The following WWOX variants were observed in gnomAD, a reference collection of about 807,000 sequenced individuals.
WWOX encodes WW domain-containing oxidoreductase.
In WWOX, 69 loss-of-function variants were observed where a neutral mutation model predicts 46.2. The observed-to-expected ratio is 1.49, with a 90% confidence interval of 1.23 to 1.82. The LOEUF is 1.82. Ranked by LOEUF, WWOX falls within the 40% of genes most tolerant of loss-of-function variation. The probability of loss-of-function intolerance (pLI) is 0.00; values close to 1 mark genes in which losing one functional copy is unlikely to be tolerated. For synonymous variants in WWOX, 359 were observed against 202.6 expected, an observed-to-expected ratio of 1.77 and a Z score of -6.56; for missense variants, 919 against 542.6, an observed-to-expected ratio of 1.69 and a Z score of -6.89.
chr16:78,441,229 T>C (rs182288988), intron 8 of WWOX, among the ~76,000 whole-genome samples: 92 of 152,306 alleles, frequency 6.0e-4, no homozygotes, highest in African/African-American at 2.0e-3. Flanking sequence ...GCCTGTAGTT[T>C]CTTATTTAAT....
intron 4 of WWOX, among the ~76,000 whole-genome samples, chr16:78,121,767 T>G (rs1597229319): frequency 6.6e-6 from 1 of 152,108 alleles, no homozygotes; most frequent in East Asian, 1.9e-4. Flanking sequence ...GGCCTGGTGA[T>G]TCTCATGTCT....
chr16:78,167,885 T>C (rs2035024690), intron 5 of WWOX: 1 of 152,200 alleles, frequency 6.6e-6, no homozygotes, highest in African/African-American at 2.4e-5. Flanking sequence ...CTCACATCTC[T>C]GCGCAAGGAT....
intron 8 of WWOX, among the ~76,000 whole-genome samples, chr16:78,854,731 C>T (rs2052528156): frequency 6.6e-6 from 1 of 152,062 alleles, no homozygotes; most frequent in Admixed American, 6.6e-5. Context: ...CAGGCACATG[C>T]CACCACTCCC....
Position 78,610,041 on chromosome 16 carries a change from G to A in WWOX, c.1056+177289G>A, listed in dbSNP as rs1361641826. Among the ~76,000 whole-genome samples the A allele has an allele frequency of 4.1e-5, 6 of 145,726 alleles. No individual in the cohort carries two copies. The South Asian group carries it at 1.1e-3, about 26-fold the overall frequency. ...AGGTAGCTCTGCGAATCCGCTGAAT[G>A]TCCGATTGCGATCTCGCTGGAAAGA... On this transcript the variant is annotated intron_variant, in intron 8 of 8. Transcript: ENST00000566780.
At chr16:78,277,305 A>C (rs901036783) in intron 5 of WWOX, among the ~76,000 whole-genome samples, 4 of 152,128 alleles carry the variant, frequency 2.6e-5, no homozygotes, top group African/African-American at 9.7e-5. Flanking sequence ...GGTTTGTGTA[A>C]GGGATGAACG....
intron 8 of WWOX, among the ~76,000 whole-genome samples, chr16:78,477,201 A>G (rs1263935739): frequency 6.6e-6 from 1 of 152,150 alleles, no homozygotes; most frequent in African/African-American, 2.4e-5. Context: ...CAGTTGATGG[A>G]CTATTTTTCA....
At chr16:78,895,302 A>T (rs1004148580) in intron 8 of WWOX, 1 of 152,142 alleles carries the variant, frequency 6.6e-6, no homozygotes, top group Non-Finnish European at 1.5e-5. Context: ...ATTATGCATT[A>T]AGAAAATAAC....
intron 8 of WWOX, among the ~76,000 whole-genome samples, chr16:78,864,754 CTTTTT>C (rs57606576): frequency 4.6e-5 from 4 of 87,160 alleles, no homozygotes; most frequent in Non-Finnish European, 8.8e-5. Flanking sequence ...TCTCCAACTC[CTTTTT>C]TTTTTTTTTT....
At chr16:78,952,357 T>G (rs1316691135) in intron 8 of WWOX, among the ~76,000 whole-genome samples, 1 of 151,814 alleles carries the variant, frequency 6.6e-6, no homozygotes, top group African/African-American at 2.4e-5. Context: ...AGCTGCAGTT[T>G]TACATTTTTG....
intron 8 of WWOX, among the ~76,000 whole-genome samples, chr16:78,859,665 G>T (rs1358800250): frequency 6.6e-6 from 1 of 152,128 alleles, no homozygotes; most frequent in Non-Finnish European, 1.5e-5. Flanking sequence ...CTTGGTTTAA[G>T]AGCAGGGCGA....
chr16:78,375,379 A>G (rs2081794906), intron 5 of WWOX, among the ~76,000 whole-genome samples: 1 of 152,212 alleles, frequency 6.6e-6, no homozygotes, highest in Non-Finnish European at 1.5e-5. Flanking sequence ...CACTATGAGT[A>G]GCCTACTTGC....
chr16:78,324,461 A>G (rs777687822), intron 5 of WWOX, among the ~76,000 whole-genome samples: 2 of 152,150 alleles, frequency 1.3e-5, no homozygotes, highest in Non-Finnish European at 1.5e-5. Flanking sequence ...AAATGAAAAC[A>G]TGGACCAAGA....
At chr16:78,461,156 A>G (rs1433777923) in intron 8 of WWOX, among the ~76,000 whole-genome samples, 1 of 152,154 alleles carries the variant, frequency 6.6e-6, no homozygotes, top group Non-Finnish European at 1.5e-5. Context: ...TGAATTGTGG[A>G]TACAGATTTC....
At chr16:78,531,745 C>G (rs537390157) in intron 8 of WWOX, among the ~76,000 whole-genome samples, 2 of 152,080 alleles carry the variant, frequency 1.3e-5, no homozygotes, top group Non-Finnish European at 2.9e-5. Context: ...GTAATCCCAG[C>G]TACTTGGGAG....
intron 8 of WWOX, among the ~76,000 whole-genome samples, chr16:79,108,426 TCAA>T (rs2049352162): frequency 1.3e-5 from 2 of 152,208 alleles, no homozygotes; most frequent in Admixed American, 6.5e-5. Flanking sequence ...AGAGATAAAC[TCAA>T]AGGGGAGAAA....
At chr16:78,880,992 C>T (rs906688502) in intron 8 of WWOX, among the ~76,000 whole-genome samples, 1,530 of 113,496 alleles carry the variant, frequency 0.013, 7 homozygotes, top group Middle Eastern at 0.032. Flanking sequence ...AATTTTTTTT[C>T]TTTTTTTTTT....
chr16:78,379,056 G>A (rs937218906), intron 5 of WWOX, among the ~76,000 whole-genome samples: 1 of 152,090 alleles, frequency 6.6e-6, no homozygotes, highest in Admixed American at 6.5e-5. Context: ...CCACTGTCAC[G>A]TCACTCAGCC....
At chr16:78,735,339 A>C (rs976025563) in intron 8 of WWOX, among the ~76,000 whole-genome samples, 1 of 151,682 alleles carries the variant, frequency 6.6e-6, no homozygotes, top group African/African-American at 2.4e-5. Flanking sequence ...TCCATTGGTC[A>C]TCAGGTTCTC....
chr16:78,981,317 T>G, intron 8 of WWOX, among the ~76,000 whole-genome samples: 1 of 151,582 alleles, frequency 6.6e-6, no homozygotes, highest in African/African-American at 2.4e-5. Flanking sequence ...TAACCAAAAA[T>G]GCTGGGTGGG....
Sources: gnomAD v4.1 joint callset for allele counts (sites outside exome capture counted in the v4.1 genomes callset) on GRCh38, gnomAD v4.1.1 for gene constraint, MANE v1.5 for transcripts, NCBI Gene and HGNC (gene_info 2026-07-23, HGNC 2026-07-21) for gene names.